The following SOX6 variants were observed in gnomAD, a reference collection of about 807,000 sequenced individuals.
SOX6 encodes the protein transcription factor SOX-6.
Under a neutral mutation model 97.8 loss-of-function variants are expected in SOX6, and 11 were observed. The ratio of observed to expected loss-of-function variants is 0.11; its 90% confidence interval spans 0.07 to 0.19. SOX6 has a LOEUF of 0.19. SOX6 is among the 10% of genes least tolerant of loss of function. SOX6 has a pLI of 1.00. For synonymous variants in SOX6, 360 were observed against 371.4 expected (o/e 0.97, Z 0.35); for missense variants, 810 against 1,039.5 (o/e 0.78, Z 3.04).
At chr11:16,161,543 G>T (rs1415098164) in intron 6 of SOX6, among the ~76,000 whole-genome samples, 1 of 152,028 alleles carries the variant, frequency 6.6e-6, no homozygotes, top group African/African-American at 2.4e-5. Flanking sequence ...TGCACATTCT[G>T]AAAAGGGCAC....
chr11:16,426,183 G>A (rs1318372887), intron 1 of SOX6, among the ~76,000 whole-genome samples: 7 of 139,428 alleles, frequency 5.0e-5, no homozygotes, highest in Non-Finnish European at 7.6e-5. Context: ...GTGAACCCGG[G>A]AGGCAGAGCT....
intron 4 of SOX6, among the ~76,000 whole-genome samples, chr11:16,224,986 A>G (rs569626492): frequency 6.6e-6 from 1 of 152,192 alleles, no homozygotes; most frequent in African/African-American, 2.4e-5. Context: ...TCTAGATATT[A>G]CTCTGAAGTT....
intron 1 of SOX6, among the ~76,000 whole-genome samples, chr11:16,376,143 A>G (rs1217003451): frequency 6.6e-6 from 1 of 152,130 alleles, no homozygotes; most frequent in Non-Finnish European, 1.5e-5. Context: ...AAACCTGCAC[A>G]TTCTGCACAT....
intron 3 of SOX6, 138 bp downstream of exon 3, chr11:16,318,307 TA>T: frequency 1.2e-6 from 1 of 831,838 alleles, no homozygotes; most frequent in Non-Finnish European, 2.0e-6. Flanking sequence ...ATCACCATAG[TA>T]ACCTCTGAAT....
At chr11:16,319,071 A>G (rs916710145) in intron 2 of SOX6, among the ~76,000 whole-genome samples, 2 of 152,144 alleles carry the variant, frequency 1.3e-5, no homozygotes, top group African/African-American at 4.8e-5. Flanking sequence ...TCTTCCCACA[A>G]CATAAAAAGG....
At chr11:16,596,515 G>T (rs912541344) in intron 4 of SOX6, among the ~76,000 whole-genome samples, 1 of 152,132 alleles carries the variant, frequency 6.6e-6, no homozygotes, top group Non-Finnish European at 1.5e-5. Flanking sequence ...TGCTCTTTAG[G>T]ATGTTACCTA....
At chr11:16,448,235 C>A (rs1324049058) in intron 1 of SOX6, among the ~76,000 whole-genome samples, 1 of 152,152 alleles carries the variant, frequency 6.6e-6, no homozygotes, top group Non-Finnish European at 1.5e-5. Flanking sequence ...CATATTTTTT[C>A]AAATGCTCCA....
chr11:16,115,434 C>T (rs758297963), intron 6 of SOX6, among the ~76,000 whole-genome samples: 4 of 152,148 alleles, frequency 2.6e-5, no homozygotes, highest in Non-Finnish European at 5.9e-5. Flanking sequence ...CTTGTTAAAA[C>T]ACAGATTGCT....
chr11:16,720,372 G>A (rs1414762914), intron 2 of SOX6, among the ~76,000 whole-genome samples: 7 of 138,350 alleles, frequency 5.1e-5, no homozygotes, highest in Non-Finnish European at 7.8e-5. Context: ...CATAAAAAAT[G>A]ATGAGTTCAT....
At position 16,341,096 on chromosome 11, in the gene SOX6, A is replaced by G. The variant is rs774287385; in HGVS notation, c.153T>C (p.Pro51=). ...LPLHPIMHNK[P]HSEELPTLVS... ...CAAGTGTTGGTAGCTCCTCAGAGTGAGGTTTGTTGTGCATTATGGGGTGCA... is the reference window on the plus strand; with the variant it reads ...CAAGTGTTGGTAGCTCCTCAGAGTGGGGTTTGTTGTGCATTATGGGGTGCA... Residue 51 remains proline, a synonymous_variant, in exon 2 of 16, where the codon CCT becomes CCC. Transcript: ENST00000683767. 1 of 1,613,542 alleles carries G rather than the reference A, an allele frequency of 6.2e-7. No homozygotes were observed. Among genetic ancestry groups the G allele is most frequent in the Non-Finnish European group, 8.5e-7 (1 of 1,179,600 alleles).
intron 7 of SOX6, among the ~76,000 whole-genome samples, chr11:16,102,498 T>G (rs1173629367): frequency 6.6e-6 from 1 of 151,754 alleles, no homozygotes; most frequent in Non-Finnish European, 1.5e-5. Context: ...AAAATACCAC[T>G]ATAATTCTTC....
intron 4 of SOX6, among the ~76,000 whole-genome samples, chr11:16,228,229 G>A: frequency 6.6e-6 from 1 of 151,440 alleles, no homozygotes; most frequent in African/African-American, 2.4e-5. Context: ...ACCCCAACTG[G>A]GACACAACAC....
chr11:16,342,145 A>C (rs891525704), intron 1 of SOX6, among the ~76,000 whole-genome samples: 1 of 151,954 alleles, frequency 6.6e-6, no homozygotes, highest in East Asian at 1.9e-4. Flanking sequence ...CTACATGACA[A>C]CGTCTCCATT....
At chr11:15,989,622 G>T (rs1478809231) in intron 13 of SOX6, among the ~76,000 whole-genome samples, 2 of 152,110 alleles carry the variant, frequency 1.3e-5, no homozygotes, top group Admixed American at 1.3e-4. Flanking sequence ...CCCAAAAATA[G>T]AATTGTTTTT....
intron 4 of SOX6, among the ~76,000 whole-genome samples, chr11:16,216,961 T>C (rs1298414103): frequency 1.3e-5 from 2 of 152,230 alleles, no homozygotes; most frequent in African/African-American, 4.8e-5. Flanking sequence ...ACAGCCATCA[T>C]GCTTTGAGGC....
chr11:16,297,054 T>C (rs879390844), intron 3 of SOX6, among the ~76,000 whole-genome samples: 3 of 152,148 alleles, frequency 2.0e-5, no homozygotes, highest in African/African-American at 7.2e-5. Context: ...GTATTAAATA[T>C]AATACAAAAG....
At chr11:16,699,167 A>G (rs77958769) in intron 3 of SOX6, among the ~76,000 whole-genome samples, 1,789 of 152,346 alleles carry the variant, frequency 0.012, 34 homozygotes, top group African/African-American at 0.041. Flanking sequence ...GAGGATTTAT[A>G]TGACAGGCAT....
intron 15 of SOX6, 123 bp from the exon 16 acceptor site, chr11:15,973,235 T>G: frequency 1.1e-6 from 1 of 945,254 alleles, no homozygotes; most frequent in Non-Finnish European, 1.6e-6. Flanking sequence ...TAAATAACAT[T>G]CTAAGCAAAT....
chr11:16,011,524 T>C (rs1004325895), intron 13 of SOX6, among the ~76,000 whole-genome samples: 7 of 152,140 alleles, frequency 4.6e-5, no homozygotes, highest in African/African-American at 1.7e-4. Flanking sequence ...TCATATGATT[T>C]TGATGAGTGG....
Sources: allele counts gnomAD v4.1 joint callset (sites outside exome capture counted in the v4.1 genomes callset), GRCh38; gene constraint gnomAD v4.1.1; transcripts MANE v1.5; gene names NCBI Gene and HGNC (gene_info 2026-07-23, HGNC 2026-07-21).